Variants in TMCC1 observed in about 807,000 individuals in gnomAD.
TMCC1 encodes transmembrane and coiled-coil domains protein 1.
In TMCC1, 15 loss-of-function variants were observed where a neutral mutation model predicts 52.4. That is an observed-to-expected ratio of 0.29 (90% CI 0.19 to 0.44). The LOEUF is 0.44. TMCC1 is among the 20% of genes least tolerant of loss of function. The probability of loss-of-function intolerance (pLI) is 1.00; values close to 1 mark genes in which losing one functional copy is unlikely to be tolerated. For synonymous variants in TMCC1, 279 were observed against 301.9 expected, an observed-to-expected ratio of 0.92 and a Z score of 0.79; for missense variants, 503 against 806.0, an observed-to-expected ratio of 0.62 and a Z score of 4.55.
At chr3:129,721,775 C>T (rs2049619296) in intron 4 of TMCC1, among the ~76,000 whole-genome samples, 2 of 151,370 alleles carry the variant, frequency 1.3e-5, no homozygotes, top group Non-Finnish European at 2.9e-5. Context: ...ACTCGTGAGG[C>T]TGAGGCAGGA....
intron 2 of TMCC1, among the ~76,000 whole-genome samples, chr3:129,844,053 G>A (rs2059549786): frequency 6.6e-6 from 1 of 152,182 alleles, no homozygotes; most frequent in African/African-American, 2.4e-5. Context: ...GTTTATCCCA[G>A]GGATGTAGGG....
intron 4 of TMCC1, among the ~76,000 whole-genome samples, chr3:129,819,492 A>T (rs2058304117): frequency 1.3e-5 from 2 of 152,256 alleles, no homozygotes; most frequent in Non-Finnish European, 1.5e-5. Flanking sequence ...TAAAAATTTC[A>T]ATTACTCTGA....
chr3:129,874,535 CT>C (rs921327767), intron 2 of TMCC1, among the ~76,000 whole-genome samples: 7 of 151,970 alleles, frequency 4.6e-5, no homozygotes, highest in African/African-American at 1.7e-4. Context: ...TAGCAACACC[CT>C]ATCTCTGCAA....
chr3:129,749,711 T>C (rs1480392552), intron 4 of TMCC1, among the ~76,000 whole-genome samples: 3 of 152,126 alleles, frequency 2.0e-5, no homozygotes, highest in Admixed American at 6.5e-5. Flanking sequence ...AAAGGGAATA[T>C]TTAATATGCA....
chr3:129,816,658 G>A lies in TMCC1; in HGVS notation c.576+11145C>T, dbSNP rs149674774. ...ACGGGGTCTGATAGAAGAAATAGAA[G>A]AAATAAGACCTAATGTTTGATAGAT... On this transcript the variant is annotated intron_variant, in intron 4 of 6. Coordinates refer to ENST00000393238, the MANE Select transcript of TMCC1 (RefSeq NM_001017395.5). 1.1e-4 allele frequency among the ~76,000 whole-genome samples: 16 copies of A among 152,200 alleles called. No individual in the cohort carries two copies. The East Asian group carries it at 2.7e-3, about 26-fold the overall frequency.
chr3:129,874,725 C>T (rs534959173), intron 2 of TMCC1, among the ~76,000 whole-genome samples: 60 of 151,684 alleles, frequency 4.0e-4, no homozygotes, highest in African/African-American at 9.2e-4. Flanking sequence ...GGTATGGTGG[C>T]GCACACCTGT....
intron 4 of TMCC1, among the ~76,000 whole-genome samples, chr3:129,709,437 C>T (rs913283556): frequency 8.0e-6 from 1 of 124,990 alleles, no homozygotes; most frequent in Non-Finnish European, 1.6e-5. Context: ...GATTGTGCCA[C>T]TGTACTCCAG....
intron 4 of TMCC1, among the ~76,000 whole-genome samples, chr3:129,763,204 T>TAAAAAAAA (rs1177489452): frequency 1.9e-5 from 2 of 106,960 alleles, no homozygotes; most frequent in African/African-American, 9.5e-5. Flanking sequence ...TCTCAAAAAA[T>TAAAAAAAA]AAAAAATAAA....
chr3:129,883,438 C>T (rs1000356570), intron 1 of TMCC1, among the ~76,000 whole-genome samples: 2 of 152,084 alleles, frequency 1.3e-5, no homozygotes, highest in Non-Finnish European at 2.9e-5. Context: ...CATGGTGAGG[C>T]CCCATTTCTA....
At chr3:129,724,876 C>T (rs1015882350) in intron 4 of TMCC1, among the ~76,000 whole-genome samples, 4 of 152,062 alleles carry the variant, frequency 2.6e-5, no homozygotes, top group Admixed American at 6.6e-5. Flanking sequence ...TACTACAGCA[C>T]TAATGGGAAG....
At position 129,651,213 on chromosome 3, in the gene TMCC1, T is replaced by C. The variant is rs961640511; in HGVS notation, c.*268A>G. The C allele has an allele frequency of 3.0e-5, 13 of 438,422 alleles. No individual in the cohort carries two copies. Among genetic ancestry groups the C allele is most frequent in the Non-Finnish European group, 5.4e-5 (13 of 242,766 alleles). 27.2% of individuals were successfully genotyped at this position (438,422 alleles called of 1,614,324 possible). A position where few individuals can be genotyped will look rare whatever the true frequency, so the allele number is the denominator to read the frequency against. On this transcript the variant is annotated 3_prime_UTR_variant, in exon 7 of 7. Coordinates refer to ENST00000393238, the MANE Select transcript of TMCC1 (RefSeq NM_001017395.5). The surrounding 1 kb of genome is among the most constrained non-coding windows in gnomAD (Gnocchi z 5.1). ...GTGTGCTCCAGATTGTTGGTTCATA[T>C]TAAAGGACTGTTTTAAGATTTGCAT...
intron 2 of TMCC1, among the ~76,000 whole-genome samples, chr3:129,866,269 T>C (rs909998927): frequency 1.4e-5 from 2 of 145,956 alleles, no homozygotes; most frequent in African/African-American, 2.5e-5. Context: ...ATTATACATA[T>C]ATAATATATA....
intron 4 of TMCC1, among the ~76,000 whole-genome samples, chr3:129,717,127 C>T (rs2049170151): frequency 6.6e-6 from 1 of 152,206 alleles, no homozygotes; most frequent in East Asian, 1.9e-4. Flanking sequence ...TGCAGTGTAA[C>T]TCATAAAGAT....
intron 4 of TMCC1, among the ~76,000 whole-genome samples, chr3:129,775,970 C>T (rs567341978): frequency 3.8e-4 from 58 of 152,294 alleles, no homozygotes; most frequent in Non-Finnish European, 7.4e-4. Context: ...ACATACCCTT[C>T]ATCTTTATCA....
At chr3:129,735,125 T>A (rs1400701551) in intron 4 of TMCC1, among the ~76,000 whole-genome samples, 11 of 151,986 alleles carry the variant, frequency 7.2e-5, no homozygotes. Flanking sequence ...CTGGTCTCTA[T>A]CTCCTGACCT....
intron 2 of TMCC1, among the ~76,000 whole-genome samples, chr3:129,865,891 A>C (rs889733455): frequency 2.6e-5 from 4 of 152,200 alleles, no homozygotes; most frequent in African/African-American, 9.6e-5. Context: ...AAGACACACT[A>C]GGTTTCAGGA....
At chr3:129,878,971 A>G (rs2061345178) in intron 2 of TMCC1, among the ~76,000 whole-genome samples, 1 of 152,168 alleles carries the variant, frequency 6.6e-6, no homozygotes, top group Non-Finnish European at 1.5e-5. Context: ...CTTCTCATAT[A>G]TGTGTATGGC....
At chr3:129,681,557 A>AG (rs1236132195) in intron 4 of TMCC1, among the ~76,000 whole-genome samples, 1 of 151,906 alleles carries the variant, frequency 6.6e-6, no homozygotes, top group Admixed American at 6.6e-5. Flanking sequence ...GGTGGGTAGG[A>AG]GGCCAGGTAG....
chr3:129,866,638 A>G (rs1254515501), intron 2 of TMCC1, among the ~76,000 whole-genome samples: 1 of 151,972 alleles, frequency 6.6e-6, no homozygotes, highest in Non-Finnish European at 1.5e-5. Context: ...TGGCCTCCCA[A>G]AGTGCTGGGA....
Sources: gnomAD v4.1 joint callset for allele counts (sites outside exome capture counted in the v4.1 genomes callset) on GRCh38, gnomAD v4.1.1 for gene constraint, Gnocchi (gnomAD v3.1) non-coding constraint, MANE v1.5 for transcripts, NCBI Gene and HGNC (gene_info 2026-07-23, HGNC 2026-07-21) for gene names.